Variants in PLAT observed in about 807,000 individuals in gnomAD.
The protein encoded by PLAT is tissue-type plasminogen activator.
A neutral mutation model predicts 74.9 loss-of-function variants in PLAT; 48 were observed. The ratio of observed to expected loss-of-function variants is 0.64; its 90% confidence interval spans 0.51 to 0.82. PLAT has a LOEUF of 0.82. Ranked by LOEUF, PLAT falls within the 40% of genes least tolerant of loss-of-function variation. The pLI is 0.00. For missense variants in PLAT, 673 were observed against 736.2 expected, an observed-to-expected ratio of 0.91 and a Z score of 0.99; for synonymous variants, 307 against 294.4, an observed-to-expected ratio of 1.04 and a Z score of -0.44.
At position 42,193,128 on chromosome 8, in the gene PLAT, C is replaced by T. The variant is rs753589968; in HGVS notation, c.58G>A (p.Val20Ile). ...TGCACACCAACCTGGCTGGGCGAAA[C>T]GAAGACTGCTCCACACAGCAGCAGC... ...CVLLLCGAVF[V>I]SPSQEIHARF... The change falls in exon 2 of 14, where the codon GTT becomes ATT. Residue 20 changes from valine (V) to isoleucine (I), a missense_variant. Coordinates refer to ENST00000220809, the MANE Select transcript of PLAT (RefSeq NM_000930.5). The T allele has an allele frequency of 1.3e-5, 21 of 1,613,222 alleles. No individual in the cohort carries two copies. The highest frequency in any genetic ancestry group is 6.7e-5 in the East Asian group (3 of 44,900).
rs1805305774 is a variant in PLAT at position 42,182,858 on chromosome 8, C to G, written c.664G>C (p.Ala222Pro). The G allele has an allele frequency of 2.5e-6, 4 of 1,610,374 alleles. No homozygotes were observed. Among genetic ancestry groups the G allele is most frequent in the Non-Finnish European group, 3.4e-6 (4 of 1,178,982 alleles). ...NSDCYFGNGS[A>P]YRGTHSLTES... Reference sequence around the variant, plus strand: ...GTGAGGCTGTGCGTGCCACGGTAGGCTGACCCATTCCCAAAGTAGCAGTCA... The same window carrying G: ...GTGAGGCTGTGCGTGCCACGGTAGGGTGACCCATTCCCAAAGTAGCAGTCA... The change falls in exon 8 of 14, where the codon GCC becomes CCC. Residue 222 changes from alanine to proline, a missense_variant. Coordinates refer to ENST00000220809, the MANE Select transcript of PLAT (RefSeq NM_000930.5).
At chr8:42,190,677 T>A (rs1805648481) in intron 3 of PLAT, among the ~76,000 whole-genome samples, 1 of 152,132 alleles carries the variant, frequency 6.6e-6, no homozygotes, top group South Asian at 2.1e-4. Context: ...ACAAAGGGTA[T>A]TGCAGAGTCT....
At chr8:42,192,107 G>A (rs966813905) in intron 2 of PLAT, among the ~76,000 whole-genome samples, 1 of 149,956 alleles carries the variant, frequency 6.7e-6, no homozygotes, top group Non-Finnish European at 1.5e-5. Flanking sequence ...GAACTTAAGC[G>A]ATCCTCCCGC....
chr8:42,194,241 A>AGAGAGAGAGAGAGAGTGTGT (rs1419569830), intron 1 of PLAT, among the ~76,000 whole-genome samples: 11 of 52,570 alleles, frequency 2.1e-4, no homozygotes, highest in African/African-American at 6.7e-4. Context: ...AGAGAGAGAG[A>AGAGAGAGAGAGAGAGTGTGT]GTGTGTGTGT....
chr8:42,195,134 C>T (rs1308266418), intron 1 of PLAT, among the ~76,000 whole-genome samples: 1 of 151,596 alleles, frequency 6.6e-6, no homozygotes, highest in Non-Finnish European at 1.5e-5. Context: ...CTCCCCCGAG[C>T]GTCCTAGGGG....
intron 1 of PLAT, among the ~76,000 whole-genome samples, chr8:42,206,160 G>C (rs1806323583): frequency 6.6e-6 from 1 of 152,232 alleles, no homozygotes; most frequent in African/African-American, 2.4e-5. Flanking sequence ...GGGCAGAGAA[G>C]GAGCATTTTG....
At chr8:42,178,111 G>A (rs1554712805) in intron 13 of PLAT, among the ~76,000 whole-genome samples, 3 of 152,182 alleles carry the variant, frequency 2.0e-5, no homozygotes, top group Admixed American at 1.3e-4. Flanking sequence ...CTCAAATAGT[G>A]TGCTTTCCCA....
intron 12 of PLAT, among the ~76,000 whole-genome samples, chr8:42,179,422 C>G (rs1029944221): frequency 6.6e-6 from 1 of 152,180 alleles, no homozygotes; most frequent in Non-Finnish European, 1.5e-5. Flanking sequence ...CTCCAGACCT[C>G]GCCAAACGTT....
chr8:42,194,648 C>T (rs529559235), intron 1 of PLAT, among the ~76,000 whole-genome samples: 3 of 152,236 alleles, frequency 2.0e-5, no homozygotes, highest in Admixed American at 6.5e-5. Flanking sequence ...ACTTCTGCAG[C>T]GGAAGCCATT....
intron 6 of PLAT, 24 bp from the exon 7 acceptor site, chr8:42,185,196 G>A: frequency 6.6e-7 from 1 of 1,519,944 alleles, no homozygotes; most frequent in East Asian, 2.3e-5. Flanking sequence ...CAAGGGAAGG[G>A]CCAGGGTAGG....
At position 42,174,763 on chromosome 8, in the gene PLAT, A is replaced by G. The variant is rs556848141; in HGVS notation, c.*1230T>C. Among the ~76,000 whole-genome samples the G allele has an allele frequency of 6.6e-6, 1 of 152,080 alleles. No individual in the cohort carries two copies. Among genetic ancestry groups the G allele is most frequent in the East Asian group, 1.9e-4 (1 of 5,144 alleles). ...ACTCAGTTTGGTGTTCAGAGCCCCC[A>G]TAATCTAAATTCCAGCCTATGTTCC... is the stretch of plus-strand genomic sequence containing the variant. On this transcript the variant is annotated 3_prime_UTR_variant, in exon 14 of 14. Transcript: ENST00000220809.
At chr8:42,177,044 A>G (rs1054455294) in intron 13 of PLAT, among the ~76,000 whole-genome samples, 6 of 152,052 alleles carry the variant, frequency 3.9e-5, no homozygotes, top group Non-Finnish European at 5.9e-5. Context: ...CAGTGGCGCA[A>G]TCTCAGCTCA....
intron 7 of PLAT, among the ~76,000 whole-genome samples, chr8:42,183,915 CAT>C (rs761741978): frequency 6.6e-6 from 1 of 151,692 alleles, no homozygotes; most frequent in East Asian, 1.9e-4. Flanking sequence ...ATGTGTATTA[CAT>C]ATATATATAC....
chr8:42,197,036 A>G (rs558758312), intron 1 of PLAT, among the ~76,000 whole-genome samples: 5 of 152,334 alleles, frequency 3.3e-5, no homozygotes, highest in Admixed American at 3.3e-4. Context: ...TAGCCCTGTC[A>G]GGCCACCCTA....
chr8:42,204,858 A>G (rs1287114708), intron 1 of PLAT, among the ~76,000 whole-genome samples: 3 of 152,046 alleles, frequency 2.0e-5, no homozygotes, highest in Non-Finnish European at 4.4e-5. Context: ...TCTCTACTAA[A>G]AATATAAAAA....
chr8:42,194,239 A>AGTGT (rs1292130383), intron 1 of PLAT, among the ~76,000 whole-genome samples: 1 of 106,250 alleles, frequency 9.4e-6, no homozygotes, highest in South Asian at 3.2e-4. Flanking sequence ...AGAGAGAGAG[A>AGTGT]GAGTGTGTGT....
At position 42,189,033 on chromosome 8, in the gene PLAT, GCTGGTATATCAT is replaced by G. The variant is rs1297258678; in HGVS notation, c.142_153del (p.Met48_Gln51del). On this transcript the variant is annotated inframe_deletion, in exon 4 of 14. Coordinates refer to ENST00000220809, the MANE Select transcript of PLAT (RefSeq NM_000930.5). ...ACAGGGCGCAGCCATGACTGATGTT[GCTGGTATATCAT>G]CTGCGTTTTTTCATCTCTGCAGATC... The G allele has an allele frequency of 6.2e-7, 1 of 1,613,916 alleles. No individual in the cohort carries two copies. The highest frequency in any genetic ancestry group is 1.1e-5 in the South Asian group (1 of 91,086).
intron 1 of PLAT, among the ~76,000 whole-genome samples, 198 bp from the exon 2 acceptor site, chr8:42,193,409 T>C (rs1473944982): frequency 2.6e-5 from 4 of 152,118 alleles, no homozygotes; most frequent in Non-Finnish European, 4.4e-5. Context: ...AACACAAAAT[T>C]TACCACCTTA....
rs1156577922 is a variant in PLAT, at chr8:42,180,347, C to T, written c.1117G>A (p.Gly373Ser). 6.2e-7 allele frequency: 1 copy of T among 1,614,218 alleles called. No homozygotes were observed. The highest frequency in any genetic ancestry group is 1.7e-5 in the Admixed American group (1 of 60,028). Reference sequence around the variant, plus strand: ...CCAGGGACCACCCGGTATGTTCTGCCCAAGATCACCGTCAGGTGGTGGGGC... The same window carrying T: ...CCAGGGACCACCCGGTATGTTCTGCTCAAGATCACCGTCAGGTGGTGGGGC... ...FPPHHLTVIL[G>S]RTYRVVPGEE... The change falls in exon 11 of 14, where the codon GGC becomes AGC. Residue 373 changes from glycine (G) to serine (S), a missense_variant. Coordinates refer to ENST00000220809, the MANE Select transcript of PLAT (RefSeq NM_000930.5).
Sources: gnomAD v4.1 joint callset for allele counts (sites outside exome capture counted in the v4.1 genomes callset) on GRCh38, gnomAD v4.1.1 for gene constraint, MANE v1.5 for transcripts, NCBI Gene and HGNC (gene_info 2026-07-23, HGNC 2026-07-21) for gene names.